PTPRM: variants seen among roughly 807,000 people sequenced by gnomAD.
PTPRM encodes the protein receptor-type tyrosine-protein phosphatase mu.
In PTPRM, 47 loss-of-function variants were observed where a neutral mutation model predicts 186.7. The ratio of observed to expected loss-of-function variants is 0.25; its 90% CI spans 0.20 to 0.32. The LOEUF is 0.32. Ranked by LOEUF, PTPRM falls within the 10% of genes least tolerant of loss-of-function variation. The probability of loss-of-function intolerance (pLI) is 1.00; values close to 1 mark genes in which losing one functional copy is unlikely to be tolerated. For synonymous variants in PTPRM, 668 were observed against 674.9 expected (o/e 0.99, Z 0.16); for missense variants, 1,494 against 1,865.0 (o/e 0.80, Z 3.66).
At chr18:7,886,510 T>C (rs962402633) in intron 2 of PTPRM, among the ~76,000 whole-genome samples, 1 of 152,208 alleles carries the variant, frequency 6.6e-6, no homozygotes, top group Non-Finnish European at 1.5e-5. Context: ...GAAAAATTGC[T>C]CTGTTTTAAA....
At chr18:7,824,595 T>C (rs2045385241) in intron 2 of PTPRM, among the ~76,000 whole-genome samples, 1 of 152,250 alleles carries the variant, frequency 6.6e-6, no homozygotes, top group Non-Finnish European at 1.5e-5. Flanking sequence ...TATTAGTAAC[T>C]ACTAGACTAT....
chr18:8,274,500 G>T (rs147033551), intron 19 of PTPRM, among the ~76,000 whole-genome samples: 37 of 152,184 alleles, frequency 2.4e-4, no homozygotes, highest in African/African-American at 7.0e-4. Flanking sequence ...CTCCAAAATT[G>T]TGTGAGTAGT....
At chr18:7,985,624 C>T (rs975725605) in intron 7 of PTPRM, among the ~76,000 whole-genome samples, 10 of 149,580 alleles carry the variant, frequency 6.7e-5, no homozygotes, top group Admixed American at 1.3e-4. Flanking sequence ...CTGGTAGATA[C>T]GTATATAAAT....
chr18:7,841,949 T>G (rs1313141053), intron 2 of PTPRM, among the ~76,000 whole-genome samples: 1 of 152,202 alleles, frequency 6.6e-6, no homozygotes, highest in East Asian at 1.9e-4. Flanking sequence ...TTTTTTTTCT[T>G]TGCTGCTCTC....
At chr18:7,946,788 A>G (rs1432871608) in intron 5 of PTPRM, 6 of 371,072 alleles carry the variant, frequency 1.6e-5, no homozygotes, top group Admixed American at 3.5e-5. Flanking sequence ...ACTAAAGATA[A>G]TGTTGATGGA....
At chr18:7,590,206 T>G (rs2037088709) in intron 1 of PTPRM, among the ~76,000 whole-genome samples, 1 of 152,226 alleles carries the variant, frequency 6.6e-6, no homozygotes, top group Non-Finnish European at 1.5e-5. Context: ...TTTGCTAATA[T>G]TAAGTCAAGT....
intron 14 of PTPRM, among the ~76,000 whole-genome samples, chr18:8,223,422 A>C (rs1310860622): frequency 1.3e-5 from 2 of 152,200 alleles, no homozygotes; most frequent in Non-Finnish European, 2.9e-5. Context: ...CTGTTCATCT[A>C]AGTCAACCTC....
Position 8,069,973 on chromosome 18 carries a change from A to G in PTPRM, c.1420A>G (p.Ile474Val). ...PEGRKESQELIVQTDEDLPGA... is the reference protein window; with the variant it reads ...PEGRKESQELVVQTDEDLPGA... ...GGGCCGGAAGGAAAGCCAAGAACTCATAGTGCAGACAGATGAAGACCGTGA... is the reference window on the plus strand; with the variant it reads ...GGGCCGGAAGGAAAGCCAAGAACTCGTAGTGCAGACAGATGAAGACCGTGA... Residue 474 changes from isoleucine to valine, a missense_variant, in exon 8 of 33, where the codon ATA becomes GTA. Transcript: ENST00000580170. The G allele has an allele frequency of 6.2e-7, 1 of 1,613,588 alleles. No homozygotes were observed.
chr18:7,795,967 C>T (rs2043620775), intron 2 of PTPRM, among the ~76,000 whole-genome samples: 1 of 151,832 alleles, frequency 6.6e-6, no homozygotes, highest in African/African-American at 2.4e-5. Flanking sequence ...GCATGCACCA[C>T]TACAGCTAAT....
Position 7,843,285 on chromosome 18 carries a change from G to T in PTPRM, c.197-44821G>T, listed in dbSNP as rs189439446. ...TATGATTTTTCATTCAACTGGCCCTGTCTCTCCTGAGAGTCTCCATTGTTA... is the reference window on the plus strand; with the variant it reads ...TATGATTTTTCATTCAACTGGCCCTTTCTCTCCTGAGAGTCTCCATTGTTA... On this transcript the variant is annotated intron_variant, in intron 2 of 32. Coordinates refer to ENST00000580170, the MANE Select transcript of PTPRM (RefSeq NM_001105244.2). Among the ~76,000 whole-genome samples the T allele has an allele frequency of 5.9e-5, 9 of 152,226 alleles. No homozygotes were observed. The East Asian group carries it at 1.5e-3, about 26-fold the overall frequency.
In PTPRM at chr18:8,063,430, C is replaced by G. The variant is rs549662430; in HGVS notation, c.1133-6256C>G. ...TCTTCTGCGTCGCTCACGCTGGGAG[C>G]TGTAGACCGGAGCTGTTCCTATTCG... On this transcript the variant is annotated intron_variant, in intron 7 of 32. Coordinates refer to ENST00000580170, the MANE Select transcript of PTPRM (RefSeq NM_001105244.2). 8.5e-5 allele frequency among the ~76,000 whole-genome samples: 13 copies of G among 152,284 alleles called. No individual in the cohort carries two copies. In the South Asian group the frequency reaches 2.5e-3, roughly 29 times the overall value.
At chr18:8,316,740 A>G (rs965941553) in intron 21 of PTPRM, among the ~76,000 whole-genome samples, 35 of 152,196 alleles carry the variant, frequency 2.3e-4, no homozygotes, top group Non-Finnish European at 2.6e-4. Flanking sequence ...TACTGCAGAG[A>G]AAACTAAAGC....
At chr18:7,648,557 C>T (rs1414455042) in intron 1 of PTPRM, among the ~76,000 whole-genome samples, 1 of 152,076 alleles carries the variant, frequency 6.6e-6, no homozygotes, top group East Asian at 1.9e-4. Context: ...CTACAGTGAA[C>T]GAATGATAAG....
At chr18:8,318,221 G>GT (rs1334930775) in intron 21 of PTPRM, among the ~76,000 whole-genome samples, 2 of 145,760 alleles carry the variant, frequency 1.4e-5, no homozygotes, top group Non-Finnish European at 3.0e-5. Flanking sequence ...TTAGCTGGCT[G>GT]TAATTTTCTC....
At chr18:7,632,902 A>C (rs183448171) in intron 1 of PTPRM, among the ~76,000 whole-genome samples, 1 of 152,338 alleles carries the variant, frequency 6.6e-6, no homozygotes, top group Admixed American at 6.5e-5. Flanking sequence ...AGCAATTAGC[A>C]GTAACAGTCT....
At chr18:8,346,520 G>A (rs685266) in intron 23 of PTPRM, among the ~76,000 whole-genome samples, 126,065 of 152,116 alleles carry the variant, frequency 0.83, 53,484 homozygotes, top group Middle Eastern at 0.95. Context: ...TTGGAGGCCT[G>A]TCTCCAAATA....
At chr18:8,249,115 T>C (rs947796797) in intron 17 of PTPRM, among the ~76,000 whole-genome samples, 2 of 152,190 alleles carry the variant, frequency 1.3e-5, no homozygotes, top group African/African-American at 2.4e-5. Flanking sequence ...TAACAATTCA[T>C]TGTAGCAAGA....
intron 14 of PTPRM, among the ~76,000 whole-genome samples, chr18:8,215,862 T>C (rs574274340): frequency 1.3e-5 from 2 of 152,278 alleles, no homozygotes; most frequent in African/African-American, 4.8e-5. Flanking sequence ...TCTTATCTGG[T>C]TCCTTGAGAT....
chr18:8,136,858 T>C lies in PTPRM; in HGVS notation c.2168-6789T>C, dbSNP rs8084248. ...GGCAACAAGACCTGAATGAACTGTC[T>C]CACAATGATCTTTAAAACAAGGATG... On this transcript the variant is annotated intron_variant, in intron 13 of 32. Transcript: ENST00000580170. Among the ~76,000 whole-genome samples, 972 of 152,308 alleles carry C rather than the reference T, an allele frequency of 6.4e-3. 10 individuals are homozygous for C. Among genetic ancestry groups the C allele is most frequent in the African/African-American group, 0.022 (894 of 41,558 alleles).
Sources: gnomAD v4.1 joint callset for allele counts (sites outside exome capture counted in the v4.1 genomes callset) on GRCh38, gnomAD v4.1.1 for gene constraint, MANE v1.5 for transcripts, NCBI Gene and HGNC (gene_info 2026-07-23, HGNC 2026-07-21) for gene names.